The following KCNJ6 variants were observed in gnomAD, a reference collection of about 807,000 sequenced individuals.
The protein encoded by KCNJ6 is potassium inwardly rectifying channel subfamily J member 6, also known as G protein-activated inward rectifier potassium channel 2.
KCNJ6 carries 9 observed loss-of-function variants against 34.2 expected under a neutral mutation model. That is an observed-to-expected ratio of 0.26 (90% CI 0.16 to 0.46). The LOEUF is 0.46. KCNJ6 is among the 20% of genes least tolerant of loss of function. The pLI is 1.00. For synonymous variants in KCNJ6, 196 were observed against 207.1 expected (o/e 0.95, Z 0.46); for missense variants, 236 against 531.3 (o/e 0.44, Z 5.46).
At chr21:37,893,308 A>G (rs776825566) in intron 1 of KCNJ6, among the ~76,000 whole-genome samples, 8 of 150,440 alleles carry the variant, frequency 5.3e-5, no homozygotes, top group Non-Finnish European at 1.2e-4. Context: ...CCTGTGTCCA[A>G]GCAATTCTCC....
At chr21:37,750,117 C>A (rs941969135) in intron 2 of KCNJ6, among the ~76,000 whole-genome samples, 1 of 152,042 alleles carries the variant, frequency 6.6e-6, no homozygotes, top group Non-Finnish European at 1.5e-5. Context: ...AGCCAACAAA[C>A]ATATGAAAAA....
chr21:37,734,964 G>GGA (rs1164434699), intron 2 of KCNJ6, among the ~76,000 whole-genome samples: 1 of 152,128 alleles, frequency 6.6e-6, no homozygotes, highest in African/African-American at 2.4e-5. Flanking sequence ...CAGGAACGTT[G>GGA]GAGATGGGCA....
At chr21:37,831,324 G>C (rs539154985) in intron 2 of KCNJ6, among the ~76,000 whole-genome samples, 72 of 152,298 alleles carry the variant, frequency 4.7e-4, no homozygotes, top group African/African-American at 1.7e-3. Flanking sequence ...CCTAATGGTG[G>C]GACTGAAATG....
intron 3 of KCNJ6, among the ~76,000 whole-genome samples, chr21:37,686,303 G>A (rs1013633993): frequency 1.3e-5 from 2 of 152,064 alleles, no homozygotes; most frequent in African/African-American, 4.8e-5. Context: ...TTAGACTGAA[G>A]CAGATGGAGG....
chr21:37,660,314 G>C (rs986453658), intron 3 of KCNJ6, among the ~76,000 whole-genome samples: 2 of 152,238 alleles, frequency 1.3e-5, no homozygotes, highest in Non-Finnish European at 2.9e-5. Flanking sequence ...AGGGGCGAGA[G>C]ATAAGAAATA....
intron 2 of KCNJ6, among the ~76,000 whole-genome samples, chr21:37,840,385 C>T (rs970723927): frequency 1.3e-5 from 2 of 152,182 alleles, no homozygotes; most frequent in African/African-American, 4.8e-5. Context: ...GAGTCCCAAT[C>T]CCCAATGCAG....
chr21:37,710,723 T>C (rs1445783775), intron 3 of KCNJ6, among the ~76,000 whole-genome samples: 2 of 152,232 alleles, frequency 1.3e-5, no homozygotes, highest in East Asian at 1.9e-4. Context: ...ACAGTCTATA[T>C]GAATGCTTTA....
chr21:37,710,724 G>T (rs1286416558), intron 3 of KCNJ6, among the ~76,000 whole-genome samples: 1 of 152,186 alleles, frequency 6.6e-6, no homozygotes. Context: ...CAGTCTATAT[G>T]AATGCTTTAC....
At chr21:37,669,577 T>TTGTG (rs35169360) in intron 3 of KCNJ6, among the ~76,000 whole-genome samples, 50,811 of 148,956 alleles carry the variant, frequency 0.34, 8,674 homozygotes, top group East Asian at 0.39. Context: ...TCTGTGTGTG[T>TTGTG]TGTGTGTGTG....
At chr21:37,901,810 G>A (rs1053036909) in intron 1 of KCNJ6, among the ~76,000 whole-genome samples, 1 of 152,200 alleles carries the variant, frequency 6.6e-6, no homozygotes, top group Non-Finnish European at 1.5e-5. Flanking sequence ...TAGAAGAGTA[G>A]TGTAAGTAGC....
At chr21:37,852,450 C>T (rs2123592323) in intron 1 of KCNJ6, among the ~76,000 whole-genome samples, 1 of 152,266 alleles carries the variant, frequency 6.6e-6, no homozygotes, top group East Asian at 1.9e-4. Context: ...CCCCTCCTAT[C>T]CCAGCCAGGA....
intron 2 of KCNJ6, among the ~76,000 whole-genome samples, chr21:37,758,958 A>C (rs2055046097): frequency 6.6e-6 from 1 of 152,192 alleles, no homozygotes; most frequent in Admixed American, 6.5e-5. Flanking sequence ...AGGCGAGGAA[A>C]CTGAGGATTA....
intron 2 of KCNJ6, among the ~76,000 whole-genome samples, chr21:37,832,997 G>A (rs1480689041): frequency 1.4e-5 from 2 of 144,710 alleles, no homozygotes; most frequent in Non-Finnish European, 3.0e-5. Context: ...CCCCCAGTCT[G>A]GCTTCTCGGC....
intron 2 of KCNJ6, among the ~76,000 whole-genome samples, chr21:37,745,006 G>A (rs2054959843): frequency 6.7e-6 from 1 of 150,166 alleles, no homozygotes; most frequent in Non-Finnish European, 1.5e-5. Flanking sequence ...AGTGGAAGAG[G>A]GAGACAGCAG....
At chr21:37,670,609 A>T (rs1850581010) in intron 3 of KCNJ6, among the ~76,000 whole-genome samples, 1 of 152,166 alleles carries the variant, frequency 6.6e-6, no homozygotes, top group Admixed American at 6.5e-5. Flanking sequence ...TCCTAAAAAT[A>T]CAAAAGTTAG....
At chr21:37,722,966 C>G (rs887105190) in intron 2 of KCNJ6, among the ~76,000 whole-genome samples, 2 of 152,108 alleles carry the variant, frequency 1.3e-5, no homozygotes, top group Non-Finnish European at 2.9e-5. Flanking sequence ...AGCCTCTGTA[C>G]AGCAAAACAA....
At chr21:37,858,638 G>A (rs1272249256) in intron 1 of KCNJ6, among the ~76,000 whole-genome samples, 1 of 151,962 alleles carries the variant, frequency 6.6e-6, no homozygotes, top group African/African-American at 2.4e-5. Context: ...CAAGACAATG[G>A]GATAAGATCT....
intron 3 of KCNJ6, among the ~76,000 whole-genome samples, chr21:37,702,538 T>A (rs796507496): frequency 1.3e-5 from 2 of 152,184 alleles, no homozygotes; most frequent in South Asian, 2.1e-4. Flanking sequence ...TTGGGAAATC[T>A]CTAGCTTCTG....
chr21:37,757,923 A>G (rs1440290073), intron 2 of KCNJ6, among the ~76,000 whole-genome samples: 1 of 152,216 alleles, frequency 6.6e-6, no homozygotes, highest in Non-Finnish European at 1.5e-5. Flanking sequence ...AGGCCTCACA[A>G]TGTCAAATCT....
Sources: gnomAD v4.1 joint callset for allele counts (sites outside exome capture counted in the v4.1 genomes callset) on GRCh38, gnomAD v4.1.1 for gene constraint, MANE v1.5 for transcripts, NCBI Gene and HGNC (gene_info 2026-07-23, HGNC 2026-07-21) for gene names.